Variants in PRICKLE2 observed in about 807,000 individuals in gnomAD.
The protein encoded by PRICKLE2 is prickle-like protein 2.
In PRICKLE2, 21 loss-of-function variants were observed where a neutral mutation model predicts 81.4. The ratio of observed to expected loss-of-function variants is 0.26; its 90% CI spans 0.18 to 0.37. PRICKLE2 has a LOEUF of 0.37. Among genes scored for constraint, PRICKLE2 ranks in the 10% least tolerant of loss-of-function variants. The pLI, the probability that PRICKLE2 is intolerant of heterozygous loss-of-function variation, is 1.00. For synonymous variants in PRICKLE2, 456 were observed against 421.5 expected, an observed-to-expected ratio of 1.08 and a Z score of -1.00; for missense variants, 940 against 1,109.0, an observed-to-expected ratio of 0.85 and a Z score of 2.16.
chr3:64,158,281 G>A (rs924078921), intron 4 of PRICKLE2, among the ~76,000 whole-genome samples: 10 of 152,188 alleles, frequency 6.6e-5, no homozygotes, highest in East Asian at 1.9e-4. Context: ...CATGCTATGC[G>A]TTGAAATGTA....
rs2076532612 is a variant in PRICKLE2, at chr3:64,093,671, C to T, written c.*5380G>A. On this transcript the variant is annotated 3_prime_UTR_variant, in exon 8 of 8. Coordinates refer to ENST00000638394, the MANE Select transcript of PRICKLE2 (RefSeq NM_198859.4). ...CTACAATGCACAGGACAGCCCTCTGCAACCGAGAATTAACTAGCACAAGAC... is the reference window on the plus strand; with the variant it reads ...CTACAATGCACAGGACAGCCCTCTGTAACCGAGAATTAACTAGCACAAGAC... 6.6e-6 allele frequency: 1 copy of T among 152,188 alleles called. No homozygotes were observed. Among genetic ancestry groups the T allele is most frequent in the Non-Finnish European group, 1.5e-5 (1 of 68,044 alleles). The allele number at this position is 152,188 out of a possible 1,614,324, so 9.4% of individuals were successfully genotyped here. A position where few individuals can be genotyped will look rare whatever the true frequency, so the allele number is the denominator to read the frequency against.
intron 7 of PRICKLE2, among the ~76,000 whole-genome samples, chr3:64,106,591 C>T (rs548369430): frequency 1.5e-4 from 23 of 152,312 alleles, no homozygotes; most frequent in African/African-American, 5.5e-4. Flanking sequence ...GCTGGGATTC[C>T]TCCTCTACAC....
At chr3:64,247,845 T>G (rs1362883407) in intron 2 of PRICKLE2, among the ~76,000 whole-genome samples, 3 of 152,226 alleles carry the variant, frequency 2.0e-5, no homozygotes, top group Admixed American at 1.3e-4. Context: ...CATTTTCTAA[T>G]GGGCCTCAAA....
chr3:64,184,198 T>G (rs1411356132), intron 2 of PRICKLE2, among the ~76,000 whole-genome samples: 2 of 152,218 alleles, frequency 1.3e-5, no homozygotes, highest in Non-Finnish European at 2.9e-5. Context: ...TGGAAAGATA[T>G]ACATTTCTTG....
chr3:64,135,281 G>C (rs1199922515), intron 7 of PRICKLE2, among the ~76,000 whole-genome samples: 1 of 152,150 alleles, frequency 6.6e-6, no homozygotes, highest in Admixed American at 6.6e-5. Context: ...AAATGAATGA[G>C]TATTTTCCTC....
intron 2 of PRICKLE2, among the ~76,000 whole-genome samples, chr3:64,239,079 A>G (rs777300703): frequency 1.3e-5 from 2 of 152,178 alleles, no homozygotes; most frequent in Admixed American, 6.5e-5. Context: ...GACGGATGTC[A>G]GAGCAGACTG....
intron 2 of PRICKLE2, among the ~76,000 whole-genome samples, chr3:64,249,840 T>C (rs771995367): frequency 3.3e-5 from 5 of 152,226 alleles, no homozygotes; most frequent in Non-Finnish European, 7.3e-5. Flanking sequence ...GTGCCTAGTA[T>C]AGCGCCTTGC....
chr3:64,218,554 C>A (rs996171886), intron 1 of PRICKLE2, among the ~76,000 whole-genome samples: 5 of 152,184 alleles, frequency 3.3e-5, no homozygotes, highest in Non-Finnish European at 7.3e-5. Context: ...TGGTAACAAA[C>A]CCTTCCTCCT....
chr3:64,211,907 G>C (rs1575672348), intron 1 of PRICKLE2, among the ~76,000 whole-genome samples: 1 of 152,166 alleles, frequency 6.6e-6, no homozygotes, highest in South Asian at 2.1e-4. Context: ...GTCATGGCAG[G>C]GGGAGAGAAC....
At chr3:64,203,196 T>C (rs995188164) in intron 1 of PRICKLE2, among the ~76,000 whole-genome samples, 3 of 152,176 alleles carry the variant, frequency 2.0e-5, no homozygotes, top group African/African-American at 7.2e-5. Flanking sequence ...ACACCTTGGA[T>C]CTCGTTTGCA....
At chr3:64,108,846 G>A (rs552753431) in intron 7 of PRICKLE2, among the ~76,000 whole-genome samples, 37 of 152,032 alleles carry the variant, frequency 2.4e-4, no homozygotes, top group Non-Finnish European at 4.4e-4. Context: ...CTGACATTTC[G>A]GGCTGGATAA....
In PRICKLE2 at chr3:64,148,338, G is replaced by A. The variant is rs557585480; in HGVS notation, c.788-636C>T. Among the ~76,000 whole-genome samples, 140 of 152,332 alleles carry A rather than the reference G, an allele frequency of 9.2e-4. No homozygotes were observed. In the Middle Eastern group the frequency reaches 0.034, roughly 37 times the overall value. Reference sequence around the variant, plus strand: ...CTTACCTGCTGGAGTTTTCTTGATAGCATTAATACCGCTTTACATTACAAC... The same window carrying A: ...CTTACCTGCTGGAGTTTTCTTGATAACATTAATACCGCTTTACATTACAAC... On this transcript the variant is annotated intron_variant, in intron 6 of 7. Transcript: ENST00000638394.
intron 1 of PRICKLE2, among the ~76,000 whole-genome samples, chr3:64,210,717 A>C (rs1288527409): frequency 6.6e-6 from 1 of 152,234 alleles, no homozygotes; most frequent in Non-Finnish European, 1.5e-5. Flanking sequence ...ACTTTTGAGC[A>C]GTGGAAATTC....
At chr3:64,145,682 G>A (rs1040187747) in intron 7 of PRICKLE2, 2 of 151,860 alleles carry the variant, frequency 1.3e-5, no homozygotes, top group Non-Finnish European at 2.9e-5. Flanking sequence ...GCACTTTGAA[G>A]CCAGTTCCCT....
chr3:64,257,333 C>G (rs2079541017), intron 2 of PRICKLE2, among the ~76,000 whole-genome samples: 1 of 152,174 alleles, frequency 6.6e-6, no homozygotes, highest in South Asian at 2.1e-4. Context: ...TGGACATGCT[C>G]TAATCTGTAA....
At chr3:64,132,661 C>T (rs775737776) in intron 7 of PRICKLE2, among the ~76,000 whole-genome samples, 17 of 152,208 alleles carry the variant, frequency 1.1e-4, no homozygotes, top group Admixed American at 3.9e-4. Context: ...ACATCTTTCT[C>T]TTCCCCATTC....
intron 2 of PRICKLE2, among the ~76,000 whole-genome samples, chr3:64,244,603 GGTGTGTGTGTGTGT>G (rs71680837): frequency 2.2e-5 from 2 of 91,624 alleles, no homozygotes; most frequent in Non-Finnish European, 5.4e-5. Context: ...GTGAATGACT[GGTGTGTGTGTGTGT>G]GTGTGTGTGT....
chr3:64,137,625 C>T (rs1326023892), intron 7 of PRICKLE2, among the ~76,000 whole-genome samples: 2 of 152,176 alleles, frequency 1.3e-5, no homozygotes, highest in Non-Finnish European at 1.5e-5. Context: ...GGTATATCGC[C>T]TGCTCTGGGC....
intron 2 of PRICKLE2, among the ~76,000 whole-genome samples, chr3:64,263,851 ACTC>A (rs2079654068): frequency 6.6e-6 from 1 of 151,970 alleles, no homozygotes; most frequent in Non-Finnish European, 1.5e-5. Context: ...TGAGCTGAAC[ACTC>A]CTCAAGTTGT....
Sources: gnomAD v4.1 joint callset for allele counts (sites outside exome capture counted in the v4.1 genomes callset) on GRCh38, gnomAD v4.1.1 for gene constraint, MANE v1.5 for transcripts, NCBI Gene and HGNC (gene_info 2026-07-23, HGNC 2026-07-21) for gene names.